PDE4DIP: variants seen among roughly 807,000 people sequenced by gnomAD.
The protein encoded by PDE4DIP is myomegalin.
Under a neutral mutation model 221.4 loss-of-function variants are expected in PDE4DIP, and 59 were observed. The observed-to-expected ratio is 0.27, with a 90% confidence interval of 0.22 to 0.33. The LOEUF is 0.33. Among genes scored for constraint, PDE4DIP ranks in the 10% least tolerant of loss-of-function variants. The pLI is 1.00. For synonymous variants in PDE4DIP, 404 were observed against 815.9 expected, an observed-to-expected ratio of 0.50 and a Z score of 8.60; for missense variants, 1,036 against 2,154.2, an observed-to-expected ratio of 0.48 and a Z score of 10.28.
At chr1:148,892,375 G>C (rs1431172734) in intron 1 of PDE4DIP, among the ~76,000 whole-genome samples, 5 of 121,976 alleles carry the variant, frequency 4.1e-5, no homozygotes, top group South Asian at 6.2e-4. Context: ...CCTAGCGAAA[G>C]ATCTTTAGGA....
intron 21 of PDE4DIP, chr1:148,985,604 T>C (rs781795639): frequency 1.3e-5 from 2 of 152,136 alleles, no homozygotes; most frequent in Admixed American, 6.6e-5. Flanking sequence ...GAATGGGAAA[T>C]GGAAGGGAAC....
chr1:148,948,851 G>A (rs1313805953), intron 5 of PDE4DIP, among the ~76,000 whole-genome samples: 13 of 151,810 alleles, frequency 8.6e-5, no homozygotes, highest in South Asian at 2.1e-4. Flanking sequence ...GTCTCTCACC[G>A]TTCAACCACT....
chr1:149,017,629 C>T (rs1553612820), intron 33 of PDE4DIP, 119 bp from the exon 37 acceptor site: 1 of 621,420 alleles, frequency 1.6e-6, no homozygotes, highest in East Asian at 3.3e-5. Context: ...ACACAGTTGG[C>T]AGAAGGCTAG....
At chr1:148,953,928 G>C in intron 5 of PDE4DIP, 1 of 1,586,738 alleles carries the variant, frequency 6.3e-7, no homozygotes, top group Non-Finnish European at 8.6e-7. Flanking sequence ...GCTACATAGT[G>C]CCTTTCTGAT....
At chr1:148,940,270 CAAGAAT>C (rs1328783052) in intron 5 of PDE4DIP, among the ~76,000 whole-genome samples, 2 of 146,914 alleles carry the variant, frequency 1.4e-5, no homozygotes, top group Non-Finnish European at 3.0e-5. Flanking sequence ...ATGCTTAGAA[CAAGAAT>C]AAGTACAGCA....
In PDE4DIP at chr1:148,938,787, A is replaced by C. The variant is rs77539976; in HGVS notation, c.636+923A>C. Among the ~76,000 whole-genome samples the C allele has an allele frequency of 3.3e-5, 5 of 151,732 alleles. 1 individual carries two copies. In the East Asian group the frequency reaches 5.8e-4, roughly 18 times the overall value. ...CAGATAATGATAGAAATTTGCCTCCAAAAAAAAATTTTTTTTTTTGAGTTG... is the reference window on the plus strand; with the variant it reads ...CAGATAATGATAGAAATTTGCCTCCCAAAAAAAATTTTTTTTTTTGAGTTG... On this transcript the variant is annotated intron_variant, in intron 5 of 43. Transcript: ENST00000369354.
chr1:148,865,153 G>A (rs587642690), intron 2 of PDE4DIP, among the ~76,000 whole-genome samples: 7 of 139,496 alleles, frequency 5.0e-5, no homozygotes, highest in African/African-American at 8.6e-5. Flanking sequence ...CAGTGGTGCC[G>A]TCTCGGCTCA....
intron 1 of PDE4DIP, among the ~76,000 whole-genome samples, chr1:148,860,056 C>T (rs1413871912): frequency 1.7e-4 from 8 of 47,536 alleles, no homozygotes; most frequent in Non-Finnish European, 2.6e-4. Flanking sequence ...GGAACTTGAG[C>T]TGTTAATAGA....
chr1:148,987,653 T>C (rs1310310550), intron 21 of PDE4DIP, among the ~76,000 whole-genome samples: 1 of 152,242 alleles, frequency 6.6e-6, no homozygotes, highest in Non-Finnish European at 1.5e-5. Context: ...AGTAACTATA[T>C]GGAAAAACAT....
chr1:148,922,829 G>A (rs587615641), intron 1 of PDE4DIP, among the ~76,000 whole-genome samples: 3 of 151,048 alleles, frequency 2.0e-5, no homozygotes, highest in Admixed American at 6.6e-5. Context: ...CTCGTGATCC[G>A]CCCGCCTCGG....
chr1:148,925,930 C>T (rs2046609231), intron 1 of PDE4DIP, among the ~76,000 whole-genome samples: 2 of 151,400 alleles, frequency 1.3e-5, no homozygotes, highest in African/African-American at 2.4e-5. Context: ...CATAGTGCCT[C>T]TCACTTTCCC....
chr1:149,029,352 T>G (rs3979996), intron 41 of PDE4DIP, among the ~76,000 whole-genome samples: 23 of 152,216 alleles, frequency 1.5e-4, no homozygotes, highest in South Asian at 2.1e-4. Context: ...AGAGGGTGTT[T>G]TGCCATCTTC....
intron 23 of PDE4DIP, among the ~76,000 whole-genome samples, chr1:148,998,778 C>G (rs1235143336): frequency 6.0e-5 from 9 of 150,238 alleles, no homozygotes; most frequent in Admixed American, 3.3e-4. Context: ...GCTCTGTCGC[C>G]CAGGCTGGAG....
At chr1:148,918,741 TTGTC>T (rs1382389026) in intron 1 of PDE4DIP, among the ~76,000 whole-genome samples, 84 of 137,978 alleles carry the variant, frequency 6.1e-4, no homozygotes, top group African/African-American at 2.3e-3. Context: ...GTGTCTGTGT[TTGTC>T]TAATCAAGGT....
chr1:149,026,158 GA>G (rs1405221523), intron 38 of PDE4DIP: 1 of 147,148 alleles, frequency 6.8e-6, no homozygotes, highest in Non-Finnish European at 1.5e-5. Flanking sequence ...CCTTCTTTGT[GA>G]TATTTTCCAA....
chr1:148,975,614 T>C (rs1221142534), intron 17 of PDE4DIP, among the ~76,000 whole-genome samples: 1 of 152,226 alleles, frequency 6.6e-6, no homozygotes, highest in East Asian at 1.9e-4. Context: ...TCAATTTTTT[T>C]TGGAAGAGGC....
At chr1:148,968,078 A>C (rs1241761078) in intron 13 of PDE4DIP, among the ~76,000 whole-genome samples, 173 bp downstream of exon 16, 3 of 149,442 alleles carry the variant, frequency 2.0e-5, no homozygotes. Flanking sequence ...CTAGAAACTT[A>C]AGTTGGCAAT....
chr1:148,940,371 C>T (rs1354090788), intron 5 of PDE4DIP, among the ~76,000 whole-genome samples: 3 of 152,150 alleles, frequency 2.0e-5, no homozygotes, highest in Non-Finnish European at 4.4e-5. Context: ...GCTTTTTAAA[C>T]ATTGCCTAAT....
At chr1:148,950,511 T>C (rs587602938) in intron 5 of PDE4DIP, among the ~76,000 whole-genome samples, 1,122 of 152,020 alleles carry the variant, frequency 7.4e-3, no homozygotes, top group African/African-American at 0.026. Flanking sequence ...AGGTAATGTA[T>C]AAAGAAAAGA....
Sources: gnomAD v4.1 joint callset for allele counts (sites outside exome capture counted in the v4.1 genomes callset) on GRCh38, gnomAD v4.1.1 for gene constraint, MANE v1.5 for transcripts, NCBI Gene and HGNC (gene_info 2026-07-23, HGNC 2026-07-21) for gene names.